PHACTR1: variants seen among roughly 807,000 people sequenced by gnomAD.
The protein encoded by PHACTR1 is phosphatase and actin regulator 1.
In PHACTR1, 16 loss-of-function variants were observed where a neutral mutation model predicts 69.2. The observed-to-expected ratio is 0.23, with a 90% CI of 0.16 to 0.35. PHACTR1 has a LOEUF of 0.35. Among genes scored for constraint, PHACTR1 ranks in the 10% least tolerant of loss-of-function variants. PHACTR1 has a pLI of 1.00. For synonymous variants in PHACTR1, 312 were observed against 284.5 expected, an observed-to-expected ratio of 1.10 and a Z score of -0.97; for missense variants, 510 against 734.7, an observed-to-expected ratio of 0.69 and a Z score of 3.54.
chr6:13,262,060 G>A (rs16873893), intron 10 of PHACTR1, among the ~76,000 whole-genome samples: 23,224 of 152,136 alleles, frequency 0.15, 2,346 homozygotes, highest in Admixed American at 0.26. Flanking sequence ...TGATCAGATC[G>A]GTCCCTTAGA....
At chr6:12,773,196 T>A (rs143465239) in intron 4 of PHACTR1, among the ~76,000 whole-genome samples, 4 of 152,280 alleles carry the variant, frequency 2.6e-5, no homozygotes, top group East Asian at 1.9e-4. Flanking sequence ...CAGGGTTTTT[T>A]AAAAAAATGT....
intron 3 of PHACTR1, among the ~76,000 whole-genome samples, chr6:12,729,230 T>A (rs1763177267): frequency 6.6e-6 from 1 of 152,196 alleles, no homozygotes; most frequent in South Asian, 2.1e-4. Context: ...ACAACTTTGA[T>A]TTTAAAATAA....
chr6:12,732,801 T>G (rs1763715567), intron 3 of PHACTR1, among the ~76,000 whole-genome samples: 1 of 152,248 alleles, frequency 6.6e-6, no homozygotes, highest in Non-Finnish European at 1.5e-5. Flanking sequence ...AGTAGTTCAT[T>G]CTAACTGAAT....
In PHACTR1 at chr6:12,878,419, C is replaced by T. The variant is rs554130276; in HGVS notation, c.250+128629C>T. On this transcript the variant is annotated intron_variant, in intron 4 of 14. Coordinates refer to ENST00000332995, the MANE Select transcript of PHACTR1 (RefSeq NM_030948.6). ...ATCTAATTCAACTCCTGTACTTTAA[C>T]GGTAGAAAAATGTCAACATTGAAAT... Among the ~76,000 whole-genome samples the T allele has an allele frequency of 4.6e-5, 7 of 152,288 alleles. 1 individual carries two copies. The highest frequency in any genetic ancestry group is 4.2e-4 in the South Asian group (2 of 4,818).
At chr6:12,864,706 G>T (rs1465078169) in intron 4 of PHACTR1, among the ~76,000 whole-genome samples, 1 of 150,582 alleles carries the variant, frequency 6.6e-6, no homozygotes, top group East Asian at 1.9e-4. Flanking sequence ...AAAACAGAAG[G>T]AAATCACACC....
At chr6:12,821,811 A>G (rs1022155513) in intron 4 of PHACTR1, among the ~76,000 whole-genome samples, 1 of 152,218 alleles carries the variant, frequency 6.6e-6, no homozygotes, top group African/African-American at 2.4e-5. Context: ...TTTAGAAAGA[A>G]GAAGGGAGGC....
chr6:13,072,157 G>A (rs1175537123), intron 5 of PHACTR1, among the ~76,000 whole-genome samples: 1 of 152,152 alleles, frequency 6.6e-6, no homozygotes, highest in African/African-American at 2.4e-5. Context: ...TATTTACAAG[G>A]ATACTCATAA....
chr6:13,074,117 C>T (rs751241795), intron 5 of PHACTR1, among the ~76,000 whole-genome samples: 1 of 152,084 alleles, frequency 6.6e-6, no homozygotes, highest in Non-Finnish European at 1.5e-5. Flanking sequence ...ATGATCCACC[C>T]GCCTTGGCCT....
At chr6:13,221,246 G>T (rs1187571259) in intron 8 of PHACTR1, among the ~76,000 whole-genome samples, 5 of 152,144 alleles carry the variant, frequency 3.3e-5, no homozygotes, top group Non-Finnish European at 1.5e-5. Flanking sequence ...ACCCTAGGAA[G>T]ATGGTAAGGA....
chr6:12,784,081 A>T (rs1771179428), intron 4 of PHACTR1, among the ~76,000 whole-genome samples: 1 of 152,076 alleles, frequency 6.6e-6, no homozygotes, highest in Non-Finnish European at 1.5e-5. Context: ...ATGCATGGAC[A>T]TACACATATA....
intron 5 of PHACTR1, among the ~76,000 whole-genome samples, chr6:13,071,568 T>C (rs770794636): frequency 2.0e-5 from 3 of 152,184 alleles, no homozygotes; most frequent in African/African-American, 7.2e-5. Flanking sequence ...GAGAGGTCTG[T>C]GTGGAGTAGA....
At chr6:12,884,461 T>C (rs1322389759) in intron 4 of PHACTR1, among the ~76,000 whole-genome samples, 1 of 151,604 alleles carries the variant, frequency 6.6e-6, no homozygotes, top group Non-Finnish European at 1.5e-5. Flanking sequence ...AGTGCAGCGG[T>C]GCAATCTCGG....
intron 10 of PHACTR1, among the ~76,000 whole-genome samples, chr6:13,234,856 G>C (rs145459347): frequency 6.6e-6 from 1 of 152,318 alleles, no homozygotes; most frequent in Non-Finnish European, 1.5e-5. Flanking sequence ...TCCTCCATAT[G>C]TATACAGACT....
chr6:13,234,861 C>T lies in PHACTR1; in HGVS notation c.1391+4668C>T, dbSNP rs1771748143. Among the ~76,000 whole-genome samples the T allele has an allele frequency of 2.0e-5, 3 of 152,292 alleles. No individual in the cohort carries two copies. In the South Asian group the frequency reaches 6.2e-4, roughly 32 times the overall value. On this transcript the variant is annotated intron_variant, in intron 10 of 14. Transcript: ENST00000332995. ...ACGTTGCTCCTCCTCCATATGTATACAGACTTTGAACTTCAGGATGGCACA... is the reference window on the plus strand; with the variant it reads ...ACGTTGCTCCTCCTCCATATGTATATAGACTTTGAACTTCAGGATGGCACA...
intron 3 of PHACTR1, among the ~76,000 whole-genome samples, chr6:12,728,061 C>T (rs1763023066): frequency 6.6e-6 from 1 of 152,122 alleles, no homozygotes; most frequent in African/African-American, 2.4e-5. Context: ...CCTGTAATTC[C>T]AGCACTTTGG....
At chr6:13,196,146 A>G (rs1205810102) in intron 7 of PHACTR1, among the ~76,000 whole-genome samples, 1 of 152,234 alleles carries the variant, frequency 6.6e-6, no homozygotes, top group African/African-American at 2.4e-5. Context: ...AGGAGCAGCC[A>G]CCATCATCAT....
At chr6:13,209,458 C>A (rs1383721207) in intron 8 of PHACTR1, among the ~76,000 whole-genome samples, 2 of 152,228 alleles carry the variant, frequency 1.3e-5, no homozygotes, top group East Asian at 3.8e-4. Flanking sequence ...CTTGGACCGA[C>A]CCCCTGTTTG....
chr6:13,168,303 A>G (rs9395497), intron 6 of PHACTR1, among the ~76,000 whole-genome samples: 35,046 of 152,270 alleles, frequency 0.23, 4,862 homozygotes, highest in East Asian at 0.44. Flanking sequence ...AGACAGCTAG[A>G]AAGTGGTTTA....
At chr6:12,786,044 C>G (rs935715935) in intron 4 of PHACTR1, among the ~76,000 whole-genome samples, 2 of 152,160 alleles carry the variant, frequency 1.3e-5, no homozygotes, top group African/African-American at 4.8e-5. Flanking sequence ...CTTCCCCATG[C>G]GTTTTCTCCC....
Sources: gnomAD v4.1 joint callset for allele counts (sites outside exome capture counted in the v4.1 genomes callset) on GRCh38, gnomAD v4.1.1 for gene constraint, MANE v1.5 for transcripts, NCBI Gene and HGNC (gene_info 2026-07-23, HGNC 2026-07-21) for gene names.